LYPD6B: variants seen among roughly 807,000 people sequenced by gnomAD.
The protein encoded by LYPD6B is LY6/PLAUR domain containing 6B.
In LYPD6B, 17 loss-of-function variants were observed where a neutral mutation model predicts 22.8. The ratio of observed to expected loss-of-function variants is 0.75; its 90% CI spans 0.51 to 1.12. The LOEUF (loss-of-function observed/expected upper bound fraction) is 1.12. LYPD6B is among the 50% of genes most tolerant of loss of function. The pLI, the probability that LYPD6B is intolerant of heterozygous loss-of-function variation, is 0.00. For missense variants in LYPD6B, 221 were observed against 258.3 expected (o/e 0.86, Z 0.99); for synonymous variants, 106 against 91.6 (o/e 1.16, Z -0.90).
At chr2:149,078,248 G>T (rs1290762086) in intron 1 of LYPD6B, among the ~76,000 whole-genome samples, 1 of 152,162 alleles carries the variant, frequency 6.6e-6, no homozygotes, top group African/African-American at 2.4e-5. Context: ...CATGACCTCT[G>T]CACAGAGGCC....
intron 3 of LYPD6B, among the ~76,000 whole-genome samples, chr2:149,174,921 T>G (rs1337000304): frequency 1.3e-5 from 2 of 152,044 alleles, no homozygotes; most frequent in African/African-American, 4.8e-5. Context: ...ATCCTGCACA[T>G]GTACCCCTGA....
At chr2:149,081,863 G>C (rs1685152117) in intron 1 of LYPD6B, among the ~76,000 whole-genome samples, 2 of 151,960 alleles carry the variant, frequency 1.3e-5, no homozygotes, top group African/African-American at 4.8e-5. Context: ...GACTTCTTTA[G>C]GTCAACATTA....
At chr2:149,061,421 C>T (rs2105322243) in intron 1 of LYPD6B, among the ~76,000 whole-genome samples, 1 of 152,120 alleles carries the variant, frequency 6.6e-6, no homozygotes, top group Non-Finnish European at 1.5e-5. Context: ...GACTCTATTC[C>T]AATATAATTG....
chr2:149,187,453 T>A (rs1692190622), intron 3 of LYPD6B: 3 of 1,530,634 alleles, frequency 2.0e-6, no homozygotes, highest in Non-Finnish European at 2.6e-6. Context: ...CAGAAGAAGA[T>A]GAGAATCACA....
intron 3 of LYPD6B, among the ~76,000 whole-genome samples, chr2:149,183,863 G>GTATA (rs34733336): frequency 4.1e-3 from 603 of 148,756 alleles, no homozygotes; most frequent in African/African-American, 8.9e-3. Context: ...GTGTGTGTGT[G>GTATA]TATATATATA....
intron 3 of LYPD6B, among the ~76,000 whole-genome samples, chr2:149,169,082 A>C (rs556063662): frequency 6.6e-6 from 1 of 152,316 alleles, no homozygotes; most frequent in East Asian, 1.9e-4. Context: ...TGAGTAATGC[A>C]CTATGGAAAT....
At chr2:149,145,753 G>T (rs2105795900) in intron 2 of LYPD6B, among the ~76,000 whole-genome samples, 1 of 152,294 alleles carries the variant, frequency 6.6e-6, no homozygotes, top group South Asian at 2.1e-4. Flanking sequence ...AAGCTCTGTG[G>T]TGTGGTATTC....
chr2:149,076,456 A>AG (rs1219200707), intron 1 of LYPD6B, among the ~76,000 whole-genome samples: 2 of 152,202 alleles, frequency 1.3e-5, no homozygotes, highest in Non-Finnish European at 2.9e-5. Context: ...TCTATTTCCA[A>AG]GGGAATGGTT....
rs78613789 is a variant in LYPD6B at position 149,212,983 on chromosome 2, C to G, written c.329-9C>G. On this transcript the variant is annotated splice_polypyrimidine_tract_variant and intron_variant, in intron 5 of 6. Coordinates refer to ENST00000409642, the MANE Select transcript of LYPD6B (RefSeq NM_177964.5). ...TTCTTGGTTTTGTTTTTTGTTTCCT[C>G]TTGCCTAGATACACAGTACTGTTTG... The G allele has an allele frequency of 1.9e-3, 3,074 of 1,609,284 alleles. 88 individuals carry two copies. The East Asian group carries it at 0.056, about 29-fold the overall frequency.
chr2:149,189,342 T>TTATATATA (rs770703554), intron 3 of LYPD6B, among the ~76,000 whole-genome samples: 1,015 of 65,874 alleles, frequency 0.015, 33 homozygotes, highest in South Asian at 0.077. Flanking sequence ...TTGTCCAAAA[T>TTATATATA]TATATATATA....
intron 1 of LYPD6B, among the ~76,000 whole-genome samples, chr2:149,096,040 C>T (rs1427961749): frequency 2.0e-5 from 3 of 151,030 alleles, no homozygotes; most frequent in Admixed American, 6.6e-5. Flanking sequence ...GAGGGAGGCA[C>T]GGAGAGAGAC....
At chr2:149,062,998 C>T (rs1287724434) in intron 1 of LYPD6B, among the ~76,000 whole-genome samples, 2 of 151,906 alleles carry the variant, frequency 1.3e-5, no homozygotes, top group African/African-American at 2.4e-5. Flanking sequence ...CACCAAGTCC[C>T]TCCTTCCCTT....
chr2:149,087,316 G>A (rs1013758092), intron 1 of LYPD6B, among the ~76,000 whole-genome samples: 1 of 152,096 alleles, frequency 6.6e-6, no homozygotes, highest in Admixed American at 6.5e-5. Flanking sequence ...ATTGAGTTTA[G>A]TGAGAAAAAA....
chr2:149,122,781 A>G (rs1354258036), intron 1 of LYPD6B, among the ~76,000 whole-genome samples: 1 of 152,012 alleles, frequency 6.6e-6, no homozygotes, highest in Admixed American at 6.6e-5. Context: ...ACATTTATGG[A>G]CTTTGGGGAT....
At chr2:149,127,670 A>G (rs1194345889) in intron 1 of LYPD6B, among the ~76,000 whole-genome samples, 1 of 152,000 alleles carries the variant, frequency 6.6e-6, no homozygotes, top group Non-Finnish European at 1.5e-5. Context: ...GTGGTCATAA[A>G]TGCATTATAA....
At chr2:149,214,431 CTCCAATTGTCTG>C in intron 6 of LYPD6B, 103 bp from the exon 7 acceptor site, 1 of 1,095,072 alleles carries the variant, frequency 9.1e-7, no homozygotes, top group Admixed American at 2.2e-5. Flanking sequence ...GGATAACCAA[CTCCAATTGTCTG>C]TCTTCAGATA....
At chr2:149,203,144 A>G (rs1018252651) in intron 3 of LYPD6B, among the ~76,000 whole-genome samples, 6 of 152,196 alleles carry the variant, frequency 3.9e-5, no homozygotes, top group African/African-American at 1.2e-4. Flanking sequence ...CCTCACTCCA[A>G]AACTATGAGG....
At chr2:149,076,065 T>G (rs1304227405) in intron 1 of LYPD6B, among the ~76,000 whole-genome samples, 2 of 152,074 alleles carry the variant, frequency 1.3e-5, no homozygotes, top group African/African-American at 4.8e-5. Flanking sequence ...GAACGTGAAC[T>G]GTCAGGATTT....
intron 1 of LYPD6B, among the ~76,000 whole-genome samples, chr2:149,113,709 A>G (rs1189837441): frequency 6.6e-6 from 1 of 152,154 alleles, no homozygotes; most frequent in Admixed American, 6.5e-5. Context: ...CAATCTGGGA[A>G]TAAAACCCAG....
Sources: allele counts gnomAD v4.1 joint callset (sites outside exome capture counted in the v4.1 genomes callset), GRCh38; gene constraint gnomAD v4.1.1; transcripts MANE v1.5; gene names NCBI Gene and HGNC (gene_info 2026-07-23, HGNC 2026-07-21).